TG: variants seen among roughly 807,000 people sequenced by gnomAD.
TG encodes thyroid hormones.
A neutral mutation model predicts 324.7 loss-of-function variants in TG; 270 were observed. That is an observed-to-expected ratio of 0.83 (90% CI 0.75 to 0.92). TG has a LOEUF of 0.92. Among genes scored for constraint, TG ranks in the 40% least tolerant of loss-of-function variants. TG has a pLI of 0.00. For missense variants in TG, 3,591 were observed against 3,456.4 expected (o/e 1.04, Z -0.98); for synonymous variants, 1,401 against 1,327.0 (o/e 1.06, Z -1.21).
At chr8:132,912,860 TG>T (rs1416953940) in intron 19 of TG, among the ~76,000 whole-genome samples, 186 bp from the exon 20 acceptor site, 2 of 152,242 alleles carry the variant, frequency 1.3e-5, no homozygotes, top group Non-Finnish European at 2.9e-5. Context: ...TTCTGATTCC[TG>T]GGTGACCCTG....
intron 35 of TG, chr8:132,995,169 C>G (rs1832751814): frequency 1.1e-5 from 11 of 962,274 alleles, no homozygotes; most frequent in African/African-American, 1.8e-5. Flanking sequence ...TATGAATAAC[C>G]TAGGGAAAGT....
intron 10 of TG, among the ~76,000 whole-genome samples, 187 bp from the exon 11 acceptor site, chr8:132,893,503 T>C (rs1029095049): frequency 1.2e-4 from 12 of 96,298 alleles, no homozygotes; most frequent in African/African-American, 5.1e-4. Flanking sequence ...GTGTGGTGTG[T>C]ATCAGTGTGT....
Position 132,887,476 on chromosome 8 carries a change from G to C in TG, c.2104G>C (p.Glu702Gln), listed in dbSNP as rs767852483. Residue 702 changes from glutamate (E) to glutamine (Q), a missense_variant, in exon 9 of 48, where the codon GAG becomes CAG. By Grantham distance (29) the Glu-to-Gln change is conservative (BLOSUM62 2). Coordinates refer to ENST00000220616, the MANE Select transcript of TG (RefSeq NM_003235.5). ...CCTGCCTGTCCAGTGCTTCAACTCA[G>C]AGTGCTACTGTGTTGATGCTGAGGG... ...HFLPVQCFNS[E>Q]CYCVDAEGQA... 2.1e-5 allele frequency: 34 copies of C among 1,614,166 alleles called. No individual in the cohort carries two copies. In the Admixed American group the frequency reaches 3.5e-4, roughly 17 times the overall value.
intron 35 of TG, among the ~76,000 whole-genome samples, chr8:132,992,013 A>G (rs563197155): frequency 6.6e-6 from 1 of 152,252 alleles, no homozygotes; most frequent in African/African-American, 2.4e-5. Context: ...ACTTCTCTCC[A>G]CAGGTGCAGG....
intron 43 of TG, among the ~76,000 whole-genome samples, chr8:133,099,891 A>G (rs1029117849): frequency 6.6e-6 from 1 of 151,770 alleles, no homozygotes; most frequent in Non-Finnish European, 1.5e-5. Flanking sequence ...CTAGCCCCCA[A>G]CTCTCTCTCT....
rs1341037250 is a variant in TG, at chr8:132,881,900, A to T, written c.676A>T (p.Arg226Trp). 1 of 1,614,060 alleles carries T rather than the reference A, an allele frequency of 6.2e-7. No homozygotes were observed. The highest frequency in any genetic ancestry group is 8.5e-7 in the Non-Finnish European group (1 of 1,179,996). ...DAFVTFSSFQ[R>W]RFPEVSGYCH... Reference sequence around the variant, plus strand: ...ATTTGTGACCTTCAGTTCCTTCCAGAGGAGGTTCCCTGAGGTATCTGGGTA... The same window carrying T: ...ATTTGTGACCTTCAGTTCCTTCCAGTGGAGGTTCCCTGAGGTATCTGGGTA... Residue 226 changes from arginine (R) to tryptophan (W), a missense_variant, in exon 6 of 48, where the codon AGG (arginine) becomes TGG (tryptophan). Transcript: ENST00000220616.
intron 21 of TG, among the ~76,000 whole-genome samples, chr8:132,923,134 T>A (rs1055204938): frequency 1.3e-5 from 2 of 152,092 alleles, no homozygotes; most frequent in Non-Finnish European, 2.9e-5. Context: ...GCATGGGGTA[T>A]GTGTGCAGAA....
chr8:133,077,482 C>T (rs1256747853), intron 41 of TG, among the ~76,000 whole-genome samples: 2 of 152,168 alleles, frequency 1.3e-5, no homozygotes, highest in East Asian at 1.9e-4. Flanking sequence ...CCTGGAGTAA[C>T]CGAGGAAACT....
At chr8:133,089,353 C>A (rs908302436) in intron 41 of TG, among the ~76,000 whole-genome samples, 4 of 152,200 alleles carry the variant, frequency 2.6e-5, no homozygotes, top group Non-Finnish European at 5.9e-5. Context: ...TATTGATGCT[C>A]CATCCTTTAC....
Position 133,084,872 on chromosome 8 carries a change from T to C in TG, c.7240-10172T>C, listed in dbSNP as rs193055855. On this transcript the variant is annotated intron_variant, in intron 41 of 47. Transcript: ENST00000220616. ...AGATGTCTGCAGAAGGCAGGTTGAGTGCAGATTCTGTTTGGCACATAGAGG... is the reference window on the plus strand; with the variant it reads ...AGATGTCTGCAGAAGGCAGGTTGAGCGCAGATTCTGTTTGGCACATAGAGG... Among the ~76,000 whole-genome samples, 525 of 152,306 alleles carry C rather than the reference T, an allele frequency of 3.4e-3. 6 individuals carry two copies. The highest frequency in any genetic ancestry group is 2.6e-3 in the Non-Finnish European group (176 of 68,024).
intron 35 of TG, among the ~76,000 whole-genome samples, chr8:133,007,706 A>G (rs866636814): frequency 1.3e-5 from 2 of 152,282 alleles, no homozygotes; most frequent in Middle Eastern, 3.4e-3. Context: ...TGATGGGATT[A>G]AAGACAATTA....
At position 133,088,245 on chromosome 8, in the gene TG, G is replaced by T. The variant is rs150851642; in HGVS notation, c.7240-6799G>T. On this transcript the variant is annotated intron_variant, in intron 41 of 47. Transcript: ENST00000220616. Reference sequence around the variant, plus strand: ...GGCATTCCTGTGATGGAGGAGCCAGGCTCCCCTCCTGCTCCTCCTCCTCCT... The same window carrying T: ...GGCATTCCTGTGATGGAGGAGCCAGTCTCCCCTCCTGCTCCTCCTCCTCCT... 4.7e-5 allele frequency among the ~76,000 whole-genome samples: 7 copies of T among 149,346 alleles called. No individual in the cohort carries two copies. The East Asian group carries it at 1.4e-3, about 30-fold the overall frequency.
chr8:132,900,795 A>G (rs1045741030), intron 15 of TG, among the ~76,000 whole-genome samples: 1 of 152,162 alleles, frequency 6.6e-6, no homozygotes, highest in South Asian at 2.1e-4. Context: ...GGCCCTTTGC[A>G]TCTGGTGCTG....
intron 19 of TG, among the ~76,000 whole-genome samples, chr8:132,911,996 AT>A (rs1391681964): frequency 2.6e-5 from 4 of 152,218 alleles, no homozygotes; most frequent in Non-Finnish European, 2.9e-5. Flanking sequence ...GGCATGTGCC[AT>A]GTTCAGCTCT....
intron 41 of TG, among the ~76,000 whole-genome samples, chr8:133,090,685 G>T (rs1371115299): frequency 6.6e-6 from 1 of 152,136 alleles, no homozygotes; most frequent in South Asian, 2.1e-4. Context: ...TCCCTCCATT[G>T]TCTCCTTTAA....
At chr8:132,974,261 T>G (rs578203898) in intron 34 of TG, among the ~76,000 whole-genome samples, 66 of 152,304 alleles carry the variant, frequency 4.3e-4, no homozygotes, top group African/African-American at 1.6e-3. Flanking sequence ...CCCAAAGTGC[T>G]GGGATTACAG....
At position 132,967,978 on chromosome 8, in the gene TG, C is replaced by T; in HGVS notation, c.5863+8C>T. On this transcript the variant is annotated splice_region_variant and intron_variant, in intron 31 of 47. Coordinates refer to ENST00000220616, the MANE Select transcript of TG (RefSeq NM_003235.5). ...CCCTGTTCCGGAAGAAAGGTGAGCA[C>T]TTGGAGAGATCTGCATAAACTGTAT... is the stretch of plus-strand genomic sequence containing the variant. 2 of 1,613,048 alleles carry T rather than the reference C, an allele frequency of 1.2e-6. No homozygotes were observed. Among genetic ancestry groups the T allele is most frequent in the Non-Finnish European group, 1.7e-6 (2 of 1,179,674 alleles).
At chr8:133,093,616 TC>T (rs1325788063) in intron 41 of TG, among the ~76,000 whole-genome samples, 3 of 152,130 alleles carry the variant, frequency 2.0e-5, no homozygotes, top group Admixed American at 6.5e-5. Flanking sequence ...ATCCCCCAAT[TC>T]CATGCACTTG....
intron 31 of TG, among the ~76,000 whole-genome samples, chr8:132,968,559 C>G (rs1371141641): frequency 6.6e-6 from 1 of 152,190 alleles, no homozygotes; most frequent in South Asian, 2.1e-4. Context: ...ATTTACTGTT[C>G]TATCTTCTCT....
Sources: gnomAD v4.1 joint callset for allele counts (sites outside exome capture counted in the v4.1 genomes callset) on GRCh38, gnomAD v4.1.1 for gene constraint, MANE v1.5 for transcripts, NCBI Gene and HGNC (gene_info 2026-07-23, HGNC 2026-07-21) for gene names.